The following PRICKLE1 variants were observed in gnomAD, a reference collection of about 807,000 sequenced individuals.
PRICKLE1 encodes the protein prickle planar cell polarity protein 1, also known as prickle-like protein 1.
A neutral mutation model predicts 70.2 loss-of-function variants in PRICKLE1; 14 were observed. The observed-to-expected ratio is 0.20, with a 90% CI of 0.13 to 0.31. The LOEUF (loss-of-function observed/expected upper bound fraction) is 0.31. Ranked by LOEUF, PRICKLE1 falls within the 10% of genes least tolerant of loss-of-function variation. The pLI is 1.00. For missense variants in PRICKLE1, 821 were observed against 1,026.2 expected (o/e 0.80, Z 2.73); for synonymous variants, 357 against 379.9 (o/e 0.94, Z 0.70).
chr12:42,531,516 A>C (rs1057470329), intron 1 of PRICKLE1, among the ~76,000 whole-genome samples: 5 of 152,212 alleles, frequency 3.3e-5, no homozygotes, highest in Admixed American at 6.5e-5. Context: ...AGAAAGGCTT[A>C]AAAATATGCC....
At chr12:42,466,823 G>A (rs73273975) in intron 5 of PRICKLE1, among the ~76,000 whole-genome samples, 4,513 of 152,108 alleles carry the variant, frequency 0.03, 239 homozygotes, top group African/African-American at 0.1. Context: ...GGAATTGAGT[G>A]AACAGCATTT....
intron 1 of PRICKLE1, among the ~76,000 whole-genome samples, chr12:42,542,295 A>AT (rs953654498): frequency 3.3e-4 from 50 of 151,708 alleles, no homozygotes; most frequent in Middle Eastern, 3.4e-3. Context: ...CTTTTATATG[A>AT]TTTTTTTTCA....
chr12:42,480,742 G>A (rs1938763477), intron 1 of PRICKLE1, among the ~76,000 whole-genome samples: 1 of 152,218 alleles, frequency 6.6e-6, no homozygotes. Context: ...GCAGTGAAGA[G>A]TGGACGGTTT....
At chr12:42,560,103 A>AATTATTATTATTATTATTATTATT (rs35742688) in intron 1 of PRICKLE1, among the ~76,000 whole-genome samples, 1 of 139,894 alleles carries the variant, frequency 7.1e-6, no homozygotes, top group Non-Finnish European at 1.5e-5. Context: ...AATCTCCTTT[A>AATTATTATTATTATTATTATTATT]ATTATTATTA....
In PRICKLE1 at chr12:42,460,619, A is replaced by C. The variant is rs955717976; in HGVS notation, c.1686T>G (p.Ser562=). 1.2e-6 allele frequency: 2 copies of C among 1,612,982 alleles called. No homozygotes were observed. Among genetic ancestry groups the C allele is most frequent in the East Asian group, 4.5e-5 (2 of 44,878 alleles). Residue 562 remains serine (S), a synonymous_variant, in exon 8 of 8, where the codon TCT becomes TCG. Coordinates refer to ENST00000345127, the MANE Select transcript of PRICKLE1 (RefSeq NM_153026.3). ...GENKPRPSLY[S]LQNFEEMETE... is the part of the protein sequence containing the mutation. ...TTTCCATCTCCTCAAAATTTTGCAG[A>C]GAATACAATGATGGCCTTGGCTTGT...
rs944300994 is a variant in PRICKLE1 at position 42,531,196 on chromosome 12, G to A, written c.-49+58269C>T. 4.0e-5 allele frequency among the ~76,000 whole-genome samples: 6 copies of A among 151,702 alleles called. No homozygotes were observed. In the South Asian group the frequency reaches 8.4e-4, roughly 21 times the overall value. On this transcript the variant is annotated intron_variant, in intron 1 of 7. Transcript: ENST00000345127. ...TGAGTAGCTGGGACTACAGGTGCCC[G>A]CCACCACGCCCAGCTAATTTTTTAG...
intron 1 of PRICKLE1, among the ~76,000 whole-genome samples, chr12:42,490,380 A>C (rs936792210): frequency 1.3e-5 from 2 of 152,206 alleles, no homozygotes; most frequent in African/African-American, 2.4e-5. Flanking sequence ...GAGAGGCTGG[A>C]GACTGCCCAA....
chr12:42,527,803 T>A (rs1485570062), intron 1 of PRICKLE1, among the ~76,000 whole-genome samples: 2 of 151,474 alleles, frequency 1.3e-5, no homozygotes, highest in Non-Finnish European at 2.9e-5. Flanking sequence ...AAATAAGACA[T>A]GATCAAGAAG....
At chr12:42,546,247 AGTT>A in intron 1 of PRICKLE1, among the ~76,000 whole-genome samples, 1 of 152,332 alleles carries the variant, frequency 6.6e-6, no homozygotes, top group Non-Finnish European at 1.5e-5. Context: ...TTAAGGGTAA[AGTT>A]AATTAAATCA....
intron 1 of PRICKLE1, among the ~76,000 whole-genome samples, chr12:42,566,016 G>A (rs1366713989): frequency 1.3e-5 from 2 of 152,218 alleles, no homozygotes; most frequent in African/African-American, 2.4e-5. Context: ...TCTGTGTGGC[G>A]AGATGGTCAA....
rs150121787 is a variant in PRICKLE1 at position 42,464,467 on chromosome 12, A to G, written c.1567T>C (p.Cys523Arg). The G allele has an allele frequency of 3.1e-6, 5 of 1,613,920 alleles. No individual in the cohort carries two copies. Among genetic ancestry groups the G allele is most frequent in the African/African-American group, 2.7e-5 (2 of 74,950 alleles). The change falls in exon 7 of 8, where the codon TGT (cysteine) becomes CGT (arginine). Residue 523 changes from cysteine to arginine, a missense_variant. Coordinates refer to ENST00000345127, the MANE Select transcript of PRICKLE1 (RefSeq NM_153026.3). The surrounding 1 kb of genome is among the most constrained non-coding windows in gnomAD (Gnocchi z 4.2). ...TGCTCTGGTTTCAGGTCTGACAGAC[A>G]CTCCAGGGAATCTTCATACCACTGT... ...ETQWYEDSLECLSDLKPEQSV... is the reference protein window; with the variant it reads ...ETQWYEDSLERLSDLKPEQSV...
intron 1 of PRICKLE1, among the ~76,000 whole-genome samples, chr12:42,585,387 C>T (rs550652222): frequency 4.6e-5 from 7 of 152,160 alleles, no homozygotes; most frequent in Non-Finnish European, 4.4e-5. Flanking sequence ...TCAAAAATAA[C>T]CAAAATGCAT....
rs997112277 is a variant in PRICKLE1 at position 42,513,852 on chromosome 12, C to T, written c.-48-41288G>A. Among the ~76,000 whole-genome samples the T allele has an allele frequency of 4.9e-4, 75 of 152,096 alleles. 1 individual carries two copies. The highest frequency in any genetic ancestry group is 1.8e-3 in the African/African-American group (73 of 41,486). ...CTCTACTAAAAATACAAAAAATTAG[C>T]CAGGCGTGGTGGTGCATGCTTGTAA... is the stretch of plus-strand genomic sequence containing the variant. On this transcript the variant is annotated intron_variant, in intron 1 of 7. Transcript: ENST00000345127.
chr12:42,506,435 T>C (rs986408372), intron 1 of PRICKLE1, among the ~76,000 whole-genome samples: 6 of 151,570 alleles, frequency 4.0e-5, no homozygotes, highest in Admixed American at 2.0e-4. Context: ...TTTTGCATTT[T>C]TAATAGAGAT....
intron 1 of PRICKLE1, among the ~76,000 whole-genome samples, chr12:42,581,607 C>T (rs751561994): frequency 1.3e-5 from 2 of 151,784 alleles, no homozygotes; most frequent in African/African-American, 2.4e-5. Flanking sequence ...ATTAGCCAGG[C>T]GTGGTGGCAT....
At position 42,582,456 on chromosome 12, in the gene PRICKLE1, C is replaced by A. The variant is rs1922758; in HGVS notation, c.-49+7009G>T. ...AAGAAACATCTGTGATTCTCTAATG[C>A]GCTTCAGACCTAACTTTATCTCTTT... On this transcript the variant is annotated intron_variant, in intron 1 of 7. Transcript: ENST00000345127. 5.0e-3 allele frequency among the ~76,000 whole-genome samples: 766 copies of A among 152,232 alleles called. 10 individuals carry two copies. The highest frequency in any genetic ancestry group is 0.017 in the African/African-American group (719 of 41,556).
chr12:42,572,007 C>A (rs973982814), intron 1 of PRICKLE1, among the ~76,000 whole-genome samples: 1 of 152,106 alleles, frequency 6.6e-6, no homozygotes, highest in African/African-American at 2.4e-5. Context: ...TAAGTGTAAA[C>A]AATTTGGGCA....
At chr12:42,537,165 G>T (rs528060489) in intron 1 of PRICKLE1, among the ~76,000 whole-genome samples, 2 of 151,402 alleles carry the variant, frequency 1.3e-5, no homozygotes, top group African/African-American at 2.4e-5. Context: ...TTGAGACAGG[G>T]TCTTACTCTG....
At chr12:42,529,438 G>C (rs1156618449) in intron 1 of PRICKLE1, among the ~76,000 whole-genome samples, 1 of 152,222 alleles carries the variant, frequency 6.6e-6, no homozygotes, top group Non-Finnish European at 1.5e-5. Flanking sequence ...TTTCTTGGGA[G>C]ACAGAAGAGT....
Sources: gnomAD v4.1 joint callset for allele counts (sites outside exome capture counted in the v4.1 genomes callset) on GRCh38, gnomAD v4.1.1 for gene constraint, Gnocchi (gnomAD v3.1) non-coding constraint, MANE v1.5 for transcripts, NCBI Gene and HGNC (gene_info 2026-07-23, HGNC 2026-07-21) for gene names.